MTUS2: variants seen among roughly 807,000 people sequenced by gnomAD.
MTUS2 encodes microtubule associated scaffold protein 2.
MTUS2 carries 40 observed loss-of-function variants against 114.1 expected under a neutral mutation model. The ratio of observed to expected loss-of-function variants is 0.35; its 90% CI spans 0.27 to 0.46. MTUS2 has a LOEUF of 0.46. Ranked by LOEUF, MTUS2 falls within the 20% of genes least tolerant of loss-of-function variation. The pLI is 1.00. For missense variants in MTUS2, 1,679 were observed against 1,705.4 expected (o/e 0.98, Z 0.27); for synonymous variants, 688 against 672.0 (o/e 1.02, Z -0.37).
At chr13:29,310,517 A>G (rs1445218842) in intron 6 of MTUS2, among the ~76,000 whole-genome samples, 2 of 152,232 alleles carry the variant, frequency 1.3e-5, no homozygotes, top group Non-Finnish European at 2.9e-5. Flanking sequence ...TAAAGCTTTA[A>G]AAAGGTTACA....
chr13:29,436,433 T>TA, intron 8 of MTUS2, among the ~76,000 whole-genome samples: 1 of 152,186 alleles, frequency 6.6e-6, no homozygotes, highest in East Asian at 1.9e-4. Flanking sequence ...ATAAAGGGCT[T>TA]ACCTAACATT....
chr13:29,362,468 G>A (rs1870340529), intron 8 of MTUS2, among the ~76,000 whole-genome samples: 1 of 152,006 alleles, frequency 6.6e-6, no homozygotes, highest in Non-Finnish European at 1.5e-5. Flanking sequence ...ATTTTCAGTG[G>A]CCAGGCTCGA....
At chr13:29,369,790 A>T (rs894674852) in intron 8 of MTUS2, among the ~76,000 whole-genome samples, 1 of 152,244 alleles carries the variant, frequency 6.6e-6, no homozygotes, top group Non-Finnish European at 1.5e-5. Context: ...AAGATTTATC[A>T]TAAGTATTAT....
intron 6 of MTUS2, among the ~76,000 whole-genome samples, chr13:29,308,414 T>C (rs554200172): frequency 5.3e-5 from 8 of 152,276 alleles, no homozygotes; most frequent in African/African-American, 1.9e-4. Context: ...TCAAGATGGA[T>C]TAAAGACTTA....
intron 4 of MTUS2, among the ~76,000 whole-genome samples, chr13:29,056,648 G>C (rs529533849): frequency 4.1e-4 from 62 of 152,134 alleles, no homozygotes; most frequent in African/African-American, 1.4e-3. Context: ...TGTGGGGCCA[G>C]TGGTAATGTC....
intron 6 of MTUS2, among the ~76,000 whole-genome samples, chr13:29,302,402 T>C (rs923608510): frequency 6.6e-6 from 1 of 152,162 alleles, no homozygotes; most frequent in Non-Finnish European, 1.5e-5. Context: ...TTTGGGTCTA[T>C]ACACAGAGCT....
rs773202403 is a variant in MTUS2 at position 29,280,902 on chromosome 13, T to C, written c.2645-802T>C. Among the ~76,000 whole-genome samples, 8 of 152,210 alleles carry C rather than the reference T, an allele frequency of 5.3e-5. No individual in the cohort carries two copies. In the East Asian group the frequency reaches 7.7e-4, roughly 15 times the overall value. ...ATTAACCACAAGGTTTAGAAAGATA[T>C]AGAAGAAAAGTTTAGGCCAAACAAC... is the stretch of plus-strand genomic sequence containing the variant. On this transcript the variant is annotated intron_variant, in intron 5 of 15. Transcript: ENST00000612955.
chr13:28,979,979 C>G (rs1884284288), intron 2 of MTUS2, among the ~76,000 whole-genome samples: 1 of 152,124 alleles, frequency 6.6e-6, no homozygotes, highest in Non-Finnish European at 1.5e-5. Flanking sequence ...GGGAGGTACT[C>G]TCTTGCTTTT....
At chr13:29,203,959 AC>A (rs1320062608) in intron 5 of MTUS2, among the ~76,000 whole-genome samples, 1 of 146,660 alleles carries the variant, frequency 6.8e-6, no homozygotes, top group Non-Finnish European at 1.5e-5. Flanking sequence ...CGAAGCTGTT[AC>A]TTTTTTTTTT....
In MTUS2 at chr13:29,503,526, T is replaced by C. The variant is rs1398642867; in HGVS notation, c.*320T>C. 6.0e-6 allele frequency: 3 copies of C among 497,154 alleles called. No individual in the cohort carries two copies. The Admixed American group carries it at 9.9e-5, about 16-fold the overall frequency. The allele number at this position is 497,154 out of a possible 1,614,324, so 30.8% of individuals were successfully genotyped here. A position where few individuals can be genotyped will look rare whatever the true frequency, so the allele number is the denominator to read the frequency against. Reference sequence around the variant, plus strand: ...CAAAAAGCTCAGTTTTCAATATACATTGAATAATCATTGTGTACTGCACCG... The same window carrying C: ...CAAAAAGCTCAGTTTTCAATATACACTGAATAATCATTGTGTACTGCACCG... On this transcript the variant is annotated 3_prime_UTR_variant, in exon 16 of 16. Coordinates refer to ENST00000612955, the MANE Select transcript of MTUS2 (RefSeq NM_001033602.4).
At chr13:28,885,291 C>T (rs1878528089) in intron 2 of MTUS2, among the ~76,000 whole-genome samples, 1 of 152,110 alleles carries the variant, frequency 6.6e-6, no homozygotes, top group African/African-American at 2.4e-5. Context: ...CAACTCGATA[C>T]CAAGAGGTCA....
chr13:29,466,300 T>G (rs897288347), intron 9 of MTUS2, among the ~76,000 whole-genome samples: 1 of 152,218 alleles, frequency 6.6e-6, no homozygotes, highest in Non-Finnish European at 1.5e-5. Flanking sequence ...ACAGACATTT[T>G]TATTAGCCAT....
intron 8 of MTUS2, among the ~76,000 whole-genome samples, chr13:29,425,040 T>C (rs907930505): frequency 1.4e-4 from 22 of 152,216 alleles, no homozygotes; most frequent in Admixed American, 9.8e-4. Flanking sequence ...GCATTGTGGT[T>C]AGGTAAGAAA....
intron 4 of MTUS2, among the ~76,000 whole-genome samples, chr13:29,092,599 G>A (rs1890007354): frequency 6.6e-6 from 1 of 152,086 alleles, no homozygotes; most frequent in Non-Finnish European, 1.5e-5. Flanking sequence ...CTGGGCCAGG[G>A]GCACACCTGG....
At chr13:29,487,237 G>A (rs1011807007) in intron 10 of MTUS2, among the ~76,000 whole-genome samples, 3 of 152,124 alleles carry the variant, frequency 2.0e-5, no homozygotes, top group Non-Finnish European at 4.4e-5. Flanking sequence ...TAAGGTGTTC[G>A]TTGCTAGTCT....
intron 1 of MTUS2, among the ~76,000 whole-genome samples, chr13:28,825,711 G>T (rs1874224438): frequency 6.6e-6 from 1 of 152,134 alleles, no homozygotes; most frequent in Admixed American, 6.5e-5. Context: ...TGGGGACAGG[G>T]GTATGGAACC....
chr13:28,821,068 T>C (rs1446397454), intron 1 of MTUS2, among the ~76,000 whole-genome samples: 1 of 152,162 alleles, frequency 6.6e-6, no homozygotes, highest in Non-Finnish European at 1.5e-5. Flanking sequence ...GTGATGTTAC[T>C]ACCATTCTAT....
intron 4 of MTUS2, among the ~76,000 whole-genome samples, chr13:29,093,807 G>C (rs1024467464): frequency 1.3e-5 from 2 of 152,170 alleles, no homozygotes; most frequent in African/African-American, 4.8e-5. Flanking sequence ...GAAATTGTGA[G>C]AGCAGACAAC....
intron 10 of MTUS2, among the ~76,000 whole-genome samples, chr13:29,482,608 A>T (rs1404297058): frequency 6.6e-6 from 1 of 152,226 alleles, no homozygotes; most frequent in Non-Finnish European, 1.5e-5. Context: ...ACTGCAAGAG[A>T]TACTAAGATT....
Sources: allele counts gnomAD v4.1 joint callset (sites outside exome capture counted in the v4.1 genomes callset), GRCh38; gene constraint gnomAD v4.1.1; transcripts MANE v1.5; gene names NCBI Gene and HGNC (gene_info 2026-07-23, HGNC 2026-07-21).